Variants in NSD3 observed in about 807,000 individuals in gnomAD.
The protein encoded by NSD3 is histone-lysine N-methyltransferase NSD3.
In NSD3, 24 loss-of-function variants were observed where a neutral mutation model predicts 160.8. That is an observed-to-expected ratio of 0.15 (90% CI 0.11 to 0.21). NSD3 has a LOEUF of 0.21. Among genes scored for constraint, NSD3 ranks in the 10% least tolerant of loss-of-function variants. The pLI, the probability that NSD3 is intolerant of heterozygous loss-of-function variation, is 1.00. For missense variants in NSD3, 1,157 were observed against 1,735.9 expected (o/e 0.67, Z 5.93); for synonymous variants, 520 against 600.0 (o/e 0.87, Z 1.95).
rs1039992875 is a variant in NSD3, at chr8:38,275,559, T to C, written c.*82A>G. ...GGCAGTTCCGATGGCAAAGGCTGTA[T>C]GCACTGTAGCAGTCTCTTCTTTTTA... On this transcript the variant is annotated 3_prime_UTR_variant, in exon 24 of 24. Coordinates refer to ENST00000317025, the MANE Select transcript of NSD3 (RefSeq NM_023034.2). 30 of 1,340,142 alleles carry C rather than the reference T, an allele frequency of 2.2e-5. No homozygotes were observed. Among genetic ancestry groups the C allele is most frequent in the Non-Finnish European group, 2.7e-5 (27 of 982,422 alleles). The allele number at this position is 1,340,142 out of a possible 1,614,324, so 83.0% of individuals were successfully genotyped here.
intron 2 of NSD3, among the ~76,000 whole-genome samples, chr8:38,343,826 T>G (rs1369908379): frequency 6.6e-6 from 1 of 152,214 alleles, no homozygotes; most frequent in Non-Finnish European, 1.5e-5. Flanking sequence ...GCTACCTTAG[T>G]GTTCACGGGA....
At chr8:38,345,383 A>G (rs1381527971) in intron 2 of NSD3, among the ~76,000 whole-genome samples, 5 of 151,146 alleles carry the variant, frequency 3.3e-5, no homozygotes, top group African/African-American at 1.2e-4. Context: ...GGAGAGAGGG[A>G]GAGAGAGAGA....
At position 38,338,703 on chromosome 8, in the gene NSD3, A is replaced by C; in HGVS notation, c.676-96T>G. On this transcript the variant is annotated intron_variant, in intron 2 of 23. Transcript: ENST00000317025. ...TACATAAAAAGAATCAAAGAAAACTAAATAAAGAGAATAAAGGGCATTTAT... is the reference window on the plus strand; with the variant it reads ...TACATAAAAAGAATCAAAGAAAACTCAATAAAGAGAATAAAGGGCATTTAT... 39 of 992,706 alleles carry C rather than the reference A, an allele frequency of 3.9e-5. No homozygotes were observed. In the South Asian group the frequency reaches 5.1e-4, roughly 13 times the overall value. 61.5% of individuals were successfully genotyped at this position (992,706 alleles called of 1,614,324 possible).
intron 19 of NSD3, among the ~76,000 whole-genome samples, chr8:38,282,167 G>A (rs1188486661): frequency 1.3e-5 from 2 of 152,150 alleles, no homozygotes; most frequent in Non-Finnish European, 2.9e-5. Flanking sequence ...AATTTTACAT[G>A]CATACATTTG....
intron 19 of NSD3, among the ~76,000 whole-genome samples, chr8:38,284,593 G>C (rs1355645105): frequency 1.3e-5 from 2 of 152,156 alleles, no homozygotes; most frequent in Non-Finnish European, 2.9e-5. Flanking sequence ...CACTATGTTG[G>C]TCAGGCTGGT....
chr8:38,327,006 G>A, intron 6 of NSD3, 150 bp from the exon 7 acceptor site: 1 of 858,888 alleles, frequency 1.2e-6, no homozygotes, highest in South Asian at 2.4e-5. Context: ...GCCTTTATCA[G>A]AAATTTGATT....
intron 1 of NSD3, among the ~76,000 whole-genome samples, chr8:38,356,559 A>G (rs1416371570): frequency 6.6e-6 from 1 of 152,142 alleles, no homozygotes; most frequent in East Asian, 1.9e-4. Flanking sequence ...TCTAAAATAA[A>G]AAAAAGAGCA....
intron 1 of NSD3, among the ~76,000 whole-genome samples, chr8:38,362,978 T>C (rs1343275718): frequency 6.6e-6 from 1 of 152,220 alleles, no homozygotes; most frequent in Non-Finnish European, 1.5e-5. Flanking sequence ...TTTAGGTGTC[T>C]TTGAGTAACT....
intron 1 of NSD3, among the ~76,000 whole-genome samples, chr8:38,353,270 T>C (rs2150386814): frequency 6.6e-6 from 1 of 152,326 alleles, no homozygotes; most frequent in South Asian, 2.1e-4. Context: ...AAACATTACC[T>C]TAATTTAACT....
chr8:38,314,346 C>T (rs970512842), intron 12 of NSD3, among the ~76,000 whole-genome samples: 12 of 152,150 alleles, frequency 7.9e-5, no homozygotes, highest in African/African-American at 2.9e-4. Flanking sequence ...TATTGAGCCC[C>T]CAAAATCTCA....
At position 38,347,512 on chromosome 8, in the gene NSD3, T is replaced by C; in HGVS notation, c.660A>G (p.Glu220=). 6.4e-7 allele frequency: 1 copy of C among 1,574,580 alleles called. No homozygotes were observed. The highest frequency in any genetic ancestry group is 8.6e-7 in the Non-Finnish European group (1 of 1,164,012). Residue 220 remains glutamate, a synonymous_variant, in exon 2 of 24, where the codon GAA becomes GAG. Transcript: ENST00000317025. ...ERKSHKIPKL[E]PEEQNRPNER... ...TTCAACTTACATTTTGTTCCTCTGGTTCTAATTTGGGGATTTTGTGTGACT... is the reference window on the plus strand; with the variant it reads ...TTCAACTTACATTTTGTTCCTCTGGCTCTAATTTGGGGATTTTGTGTGACT...
chr8:38,375,662 T>C (rs1305608048), intron 1 of NSD3, among the ~76,000 whole-genome samples: 1 of 151,878 alleles, frequency 6.6e-6, no homozygotes, highest in Non-Finnish European at 1.5e-5. Flanking sequence ...ATAAGTATAA[T>C]TATTTATAAC....
Position 38,319,082 on chromosome 8 carries a change from G to A in NSD3, c.1810-142C>T. ...ATCTGAACTCAGTCCCATCTTTTGG[G>A]TAAAGTTCTCTGTCTCAAGATCAGG... On this transcript the variant is annotated intron_variant, in intron 8 of 23. Coordinates refer to ENST00000317025, the MANE Select transcript of NSD3 (RefSeq NM_023034.2). The surrounding 1 kb of genome is among the most constrained non-coding windows in gnomAD (Gnocchi z 4.1). 2 of 759,350 alleles carry A rather than the reference G, an allele frequency of 2.6e-6. No homozygotes were observed. Among genetic ancestry groups the A allele is most frequent in the Non-Finnish European group, 4.3e-6 (2 of 465,338 alleles). 47.0% of individuals were successfully genotyped at this position (759,350 alleles called of 1,614,324 possible). A position where few individuals can be genotyped will look rare whatever the true frequency, so the allele number is the denominator to read the frequency against.
chr8:38,298,375 A>G (rs1039824625), intron 15 of NSD3, among the ~76,000 whole-genome samples: 3 of 152,058 alleles, frequency 2.0e-5, no homozygotes. Flanking sequence ...AAAAGCCAGT[A>G]CTCTCTCCAA....
In NSD3 at chr8:38,329,607, C is replaced by T. The variant is rs143479259; in HGVS notation, c.1352G>A (p.Ser451Asn). The change falls in exon 6 of 24, where the codon AGC becomes AAC. Residue 451 changes from serine to asparagine, a missense_variant. By Grantham distance (46) the Ser-to-Asn change is conservative. This residue lies in a region of NSD3 where 168 missense variants were observed against 208.1 expected (regional missense o/e 0.81). Transcript: ENST00000317025. This position sits in a 1 kb window ranked among gnomAD's most constrained non-coding sequence, Gnocchi z 4.8. ...TTCCGCACTTGTGTGCCGCCTCTGG[C>T]TATGTCTCCGAATTTCAGTACTTGA... Reference protein sequence around the residue: ...SLSSTEIRRHSQRRHTSAEEE... With the variant: ...SLSSTEIRRHNQRRHTSAEEE... The T allele has an allele frequency of 6.2e-7, 1 of 1,614,100 alleles. No individual in the cohort carries two copies. Among genetic ancestry groups the T allele is most frequent in the African/African-American group, 1.3e-5 (1 of 74,926 alleles).
At chr8:38,370,167 G>A (rs919653617) in intron 1 of NSD3, among the ~76,000 whole-genome samples, 3 of 152,140 alleles carry the variant, frequency 2.0e-5, no homozygotes, top group African/African-American at 7.2e-5. Context: ...CTTTCGGGGG[G>A]AAGGTCAATT....
chr8:38,351,719 T>C (rs1463028425), intron 1 of NSD3, among the ~76,000 whole-genome samples: 1 of 150,852 alleles, frequency 6.6e-6, no homozygotes, highest in Non-Finnish European at 1.5e-5. Context: ...ATGTCCTTTG[T>C]AGGGACATGG....
intron 16 of NSD3, among the ~76,000 whole-genome samples, chr8:38,293,169 TG>T (rs959514855): frequency 6.9e-6 from 1 of 144,066 alleles, no homozygotes; most frequent in African/African-American, 2.6e-5. Flanking sequence ...GAAAAAGAAG[TG>T]GGGGGAGGTT....
intron 23 of NSD3, 37 bp downstream of exon 23, chr8:38,276,259 C>T (rs1385882379): frequency 6.2e-7 from 1 of 1,604,418 alleles, no homozygotes; most frequent in Admixed American, 1.7e-5. Flanking sequence ...TTGGCAAAGA[C>T]ACAAATTAGG....
Sources: allele counts gnomAD v4.1 joint callset (sites outside exome capture counted in the v4.1 genomes callset), GRCh38; gene constraint gnomAD v4.1.1; regional missense constraint gnomAD v4.1.1; non-coding constraint Gnocchi (gnomAD v3.1); transcripts MANE v1.5; gene names NCBI Gene and HGNC (gene_info 2026-07-23, HGNC 2026-07-21).